Variants in TBC1D2 observed in about 807,000 individuals in gnomAD.
TBC1D2 encodes TBC1 domain family member 2A.
A neutral mutation model predicts 91.1 loss-of-function variants in TBC1D2; 58 were observed. The observed-to-expected ratio is 0.64, with a 90% CI of 0.52 to 0.79. The LOEUF is 0.79. Ranked by LOEUF, TBC1D2 falls within the 30% of genes least tolerant of loss-of-function variation. TBC1D2 has a pLI of 0.00. For synonymous variants in TBC1D2, 482 were observed against 511.5 expected (o/e 0.94, Z 0.78); for missense variants, 1,080 against 1,208.3 (o/e 0.89, Z 1.57).
At chr9:98,222,077 T>A (rs568748079) in intron 5 of TBC1D2, among the ~76,000 whole-genome samples, 2 of 152,146 alleles carry the variant, frequency 1.3e-5, no homozygotes, top group African/African-American at 4.8e-5. Flanking sequence ...CATATACACA[T>A]CCATTTCAGG....
intron 2 of TBC1D2, among the ~76,000 whole-genome samples, chr9:98,250,838 T>A (rs1829858157): frequency 6.6e-6 from 1 of 152,172 alleles, no homozygotes; most frequent in South Asian, 2.1e-4. Flanking sequence ...TCCTAAAACC[T>A]GCCAATCATG....
chr9:98,234,434 G>A (rs1033695103), intron 3 of TBC1D2, among the ~76,000 whole-genome samples: 2 of 152,218 alleles, frequency 1.3e-5, no homozygotes, highest in Admixed American at 1.3e-4. Context: ...TAATGACAGG[G>A]AGGGAAAATG....
At chr9:98,226,781 A>G (rs937259986) in intron 5 of TBC1D2, among the ~76,000 whole-genome samples, 19 of 152,250 alleles carry the variant, frequency 1.2e-4, no homozygotes, top group African/African-American at 3.9e-4. Flanking sequence ...AGATTCTTCA[A>G]TGCATCAACA....
At position 98,228,803 on chromosome 9, in the gene TBC1D2, A is replaced by C; in HGVS notation, c.978+149T>G. ...ATCAGGTTCTTGAGTAATCAACAGC[A>C]TATTTCAACATTCTGCAGTTTGGCC... On this transcript the variant is annotated intron_variant, in intron 5 of 12. Transcript: ENST00000465784. This position sits in a 1 kb window ranked among gnomAD's most constrained non-coding sequence, Gnocchi z 4.0. 1 of 723,256 alleles carries C rather than the reference A, an allele frequency of 1.4e-6. No homozygotes were observed. The highest frequency in any genetic ancestry group is 2.6e-5 in the East Asian group (1 of 38,950). 44.8% of individuals were successfully genotyped at this position (723,256 alleles called of 1,614,324 possible).
intron 1 of TBC1D2, among the ~76,000 whole-genome samples, chr9:98,253,331 T>G (rs1829908607): frequency 6.6e-6 from 1 of 152,122 alleles, no homozygotes; most frequent in Non-Finnish European, 1.5e-5. Context: ...TCATTCTATT[T>G]CCCTACTATC....
intron 11 of TBC1D2, among the ~76,000 whole-genome samples, chr9:98,201,210 T>A (rs1215878173): frequency 6.6e-6 from 1 of 151,922 alleles, no homozygotes; most frequent in African/African-American, 2.4e-5. Context: ...AGGGCCCAGG[T>A]GACTAGGGGG....
At chr9:98,250,404 G>A (rs1829848244) in intron 2 of TBC1D2, among the ~76,000 whole-genome samples, 2 of 152,158 alleles carry the variant, frequency 1.3e-5, no homozygotes, top group Admixed American at 1.3e-4. Context: ...CCTCCACATG[G>A]GGATACTGGA....
rs1353141665 is a variant in TBC1D2 at position 98,228,271 on chromosome 9, T to A, written c.978+681A>T. Among the ~76,000 whole-genome samples the A allele has an allele frequency of 6.6e-6, 1 of 152,218 alleles. No individual in the cohort carries two copies. The highest frequency in any genetic ancestry group is 1.5e-5 in the Non-Finnish European group (1 of 68,040). ...CGCCCGGAGCTGCAGCCCTCTCACA[T>A]CTTTGCCCTGGGACCCTCACTACTT... On this transcript the variant is annotated intron_variant, in intron 5 of 12. Transcript: ENST00000465784. The surrounding 1 kb of genome is among the most constrained non-coding windows in gnomAD (Gnocchi z 4.0).
At position 98,242,850 on chromosome 9, in the gene TBC1D2, T is replaced by TTGC. The variant is rs570209662; in HGVS notation, c.647+1141_647+1143dup. 1.6e-3 allele frequency among the ~76,000 whole-genome samples: 219 copies of TTGC among 139,922 alleles called. 2 individuals carry two copies. Among genetic ancestry groups the TTGC allele is most frequent in the Admixed American group, 0.014 (184 of 13,364 alleles). 91.8% of individuals were successfully genotyped at this position (139,922 alleles called of 152,430 possible). A position where few individuals can be genotyped will look rare whatever the true frequency, so the allele number is the denominator to read the frequency against. ...TTTTTTGAGACAGGGTCTCACTCTGTTGCTCAGGCTAGGATGAAGTGGTAT... is the reference window on the plus strand; with the variant it reads ...TTTTTTGAGACAGGGTCTCACTCTGTTGCTGCTCAGGCTAGGATGAAGTGGTAT... On this transcript the variant is annotated intron_variant, in intron 3 of 12. Coordinates refer to ENST00000465784, the MANE Select transcript of TBC1D2 (RefSeq NM_001267571.2).
At chr9:98,234,885 A>C in intron 3 of TBC1D2, 1 of 209,604 alleles carries the variant, frequency 4.8e-6, no homozygotes, top group Admixed American at 4.3e-5. Context: ...ACACGAGGAA[A>C]GTAACTAAAG....
intron 3 of TBC1D2, chr9:98,235,662 C>A (rs532720445): frequency 3.2e-5 from 10 of 311,952 alleles, no homozygotes; most frequent in South Asian, 2.4e-4. Context: ...TCCTTCCTAA[C>A]CCCAATAAAT....
At position 98,205,813 on chromosome 9, in the gene TBC1D2, C is replaced by T. The variant is rs1486954253; in HGVS notation, c.2151-2405G>A. Among the ~76,000 whole-genome samples, 7 of 152,260 alleles carry T rather than the reference C, an allele frequency of 4.6e-5. No homozygotes were observed. In the South Asian group the frequency reaches 1.5e-3, roughly 32 times the overall value. On this transcript the variant is annotated intron_variant, in intron 9 of 12. Coordinates refer to ENST00000465784, the MANE Select transcript of TBC1D2 (RefSeq NM_001267571.2). ...CTGGGCTCAAGGGATCCACCCACCT[C>T]GGCCCCTCAAAATGCGGGAATTACA...
intron 5 of TBC1D2, among the ~76,000 whole-genome samples, chr9:98,227,864 A>G (rs375927341): frequency 3.2e-4 from 48 of 152,188 alleles, no homozygotes; most frequent in African/African-American, 1.1e-3. Context: ...GACAGTGGTC[A>G]CTGCTTAGGG....
Position 98,255,335 on chromosome 9 carries a change from G to C in TBC1D2, c.207C>G (p.Phe69Leu), listed in dbSNP as rs1331598211. The change falls in exon 1 of 13, where the codon TTC (phenylalanine) becomes TTG (leucine). Residue 69 changes from phenylalanine (F) to leucine (L), a missense_variant. Transcript: ENST00000465784. ...GPIRGWKSRW[F>L]FYDERKCQLY... ...GCTGACATTTCCTTTCGTCGTAGAA[G>C]AACCAGCGGGATTTCCAGCCCCGGA... is the stretch of plus-strand genomic sequence containing the variant. The C allele has an allele frequency of 3.7e-6, 6 of 1,614,136 alleles. No individual in the cohort carries two copies.
intron 5 of TBC1D2, among the ~76,000 whole-genome samples, chr9:98,222,018 C>T (rs1829113321): frequency 6.6e-6 from 1 of 152,188 alleles, no homozygotes; most frequent in South Asian, 2.1e-4. Context: ...TATGAGTCAC[C>T]ACACCCAGTG....
At position 98,228,966 on chromosome 9, in the gene TBC1D2, A is replaced by G. The variant is rs377668341; in HGVS notation, c.964T>C (p.Leu322=). The part of the protein sequence containing the change: ...EQQVLMLTKE[L]KSQKELVKIL... ...CCAGACCTCACCTTCTGAGACTTTA[A>G]CTCCTTGGTGAGCATCAGAACCTGT... is the stretch of plus-strand genomic sequence containing the variant. Residue 322 remains leucine, a synonymous_variant, in exon 5 of 13, where the codon TTA becomes CTA. Coordinates refer to ENST00000465784, the MANE Select transcript of TBC1D2 (RefSeq NM_001267571.2). The surrounding 1 kb of genome is among the most constrained non-coding windows in gnomAD (Gnocchi z 4.0). 2.2e-5 allele frequency: 36 copies of G among 1,613,704 alleles called. No homozygotes were observed. Among genetic ancestry groups the G allele is most frequent in the Non-Finnish European group, 2.9e-5 (34 of 1,179,912 alleles).
intron 2 of TBC1D2, among the ~76,000 whole-genome samples, chr9:98,247,589 C>T (rs1355717331): frequency 1.3e-5 from 2 of 151,498 alleles, no homozygotes. Context: ...ATTAGCCAGG[C>T]GTGGTGGCAC....
intron 2 of TBC1D2, among the ~76,000 whole-genome samples, chr9:98,250,247 G>C (rs557991967): frequency 2.0e-5 from 3 of 152,214 alleles, no homozygotes; most frequent in Non-Finnish European, 4.4e-5. Flanking sequence ...TGGGGACTGG[G>C]GGAGCAGGCA....
At chr9:98,213,518 A>C in intron 6 of TBC1D2, 2 of 785,570 alleles carry the variant, frequency 2.5e-6, no homozygotes, top group Non-Finnish European at 3.4e-6. Flanking sequence ...CATCTGTAAA[A>C]GGGGCAAATA....
Sources: allele counts gnomAD v4.1 joint callset (sites outside exome capture counted in the v4.1 genomes callset), GRCh38; gene constraint gnomAD v4.1.1; non-coding constraint Gnocchi (gnomAD v3.1); transcripts MANE v1.5; gene names NCBI Gene and HGNC (gene_info 2026-07-23, HGNC 2026-07-21).